SCNN1B: variants seen among roughly 807,000 people sequenced by gnomAD.
SCNN1B encodes the protein epithelial sodium channel subunit beta.
In SCNN1B, 46 loss-of-function variants were observed where a neutral mutation model predicts 65.3. The observed-to-expected ratio is 0.70, with a 90% CI of 0.56 to 0.90. The LOEUF (loss-of-function observed/expected upper bound fraction) is 0.90. SCNN1B is among the 40% of genes least tolerant of loss of function. SCNN1B has a pLI of 0.00. For missense variants in SCNN1B, 751 were observed against 830.5 expected (o/e 0.90, Z 1.18); for synonymous variants, 349 against 330.6 (o/e 1.06, Z -0.60).
chr16:23,369,341 C>T (rs979231625), intron 5 of SCNN1B, among the ~76,000 whole-genome samples: 1 of 152,120 alleles, frequency 6.6e-6, no homozygotes, highest in Non-Finnish European at 1.5e-5. Context: ...TCCTTGGCCT[C>T]TCAAAGTACT....
chr16:23,338,201 G>A (rs532327043), intron 1 of SCNN1B, among the ~76,000 whole-genome samples: 1 of 152,296 alleles, frequency 6.6e-6, no homozygotes, highest in East Asian at 1.9e-4. Context: ...CAAAATCTTG[G>A]TGCTGGGAAT....
Position 23,380,364 on chromosome 16 carries a change from T to C in SCNN1B, c.1543-57T>C, listed in dbSNP as rs555987343. On this transcript the variant is annotated intron_variant, in intron 12 of 12. Transcript: ENST00000343070. This position sits in a 1 kb window ranked among gnomAD's most constrained non-coding sequence, Gnocchi z 5.4. ...ATCACCTCCCAGGAAGCTGTGAGGC[T>C]GGGCTAGAGGCAAGAATGTGTGGCC... 4 of 1,613,016 alleles carry C rather than the reference T, an allele frequency of 2.5e-6. No individual in the cohort carries two copies. The African/African-American group carries it at 5.3e-5, about 21-fold the overall frequency.
At chr16:23,375,686 C>A in intron 7 of SCNN1B, 52 bp from the exon 8 acceptor site, 2 of 1,258,182 alleles carry the variant, frequency 1.6e-6, no homozygotes, top group Non-Finnish European at 2.3e-6. Flanking sequence ...GGAATGGGGA[C>A]ATCACTGACC....
chr16:23,289,609 T>C (rs1475108590), intron 2 of SCNN1B, among the ~76,000 whole-genome samples: 2 of 150,228 alleles, frequency 1.3e-5, no homozygotes, highest in Non-Finnish European at 3.0e-5. Context: ...AGAGAAAGGA[T>C]GGAATCAAAT....
intron 1 of SCNN1B, among the ~76,000 whole-genome samples, chr16:23,310,808 T>C (rs1412820447): frequency 1.3e-5 from 2 of 152,254 alleles, no homozygotes; most frequent in Non-Finnish European, 2.9e-5. Flanking sequence ...GAAAAGATTC[T>C]CAACTGCACT....
Position 23,380,958 on chromosome 16 carries a change from C to T in SCNN1B, c.*157C>T, listed in dbSNP as rs181213527. 6 of 787,134 alleles carry T rather than the reference C, an allele frequency of 7.6e-6. No individual in the cohort carries two copies. Among genetic ancestry groups the T allele is most frequent in the Admixed American group, 1.8e-5 (1 of 55,924 alleles). 48.8% of individuals were successfully genotyped at this position (787,134 alleles called of 1,614,324 possible). A position where few individuals can be genotyped will look rare whatever the true frequency, so the allele number is the denominator to read the frequency against. On this transcript the variant is annotated 3_prime_UTR_variant, in exon 13 of 13. Coordinates refer to ENST00000343070, the MANE Select transcript of SCNN1B (RefSeq NM_000336.3). The surrounding 1 kb of genome is among the most constrained non-coding windows in gnomAD (Gnocchi z 5.4). Reference sequence around the variant, plus strand: ...ACAGAGAGGCCAGCGGCAACTGGTCCGTTACTGGCCAAGGGCTCTGTAGAA... The same window carrying T: ...ACAGAGAGGCCAGCGGCAACTGGTCTGTTACTGGCCAAGGGCTCTGTAGAA...
intron 1 of SCNN1B, among the ~76,000 whole-genome samples, chr16:23,315,886 T>A (rs1961443319): frequency 6.6e-6 from 1 of 152,038 alleles, no homozygotes; most frequent in Non-Finnish European, 1.5e-5. Context: ...ATCAAGTAGG[T>A]ACATCCTTAC....
At chr16:23,304,172 C>T (rs1034106476) in intron 1 of SCNN1B, 1 of 1,203,240 alleles carries the variant, frequency 8.3e-7, no homozygotes, top group African/African-American at 1.5e-5. Context: ...TTTCTTTATC[C>T]TAAACTAACT....
In SCNN1B at chr16:23,378,747, C is replaced by T. The variant is rs757733766; in HGVS notation, c.1446C>T (p.Ser482=). 5.0e-6 allele frequency: 8 copies of T among 1,613,996 alleles called. No individual in the cohort carries two copies. The highest frequency in any genetic ancestry group is 1.3e-5 in the African/African-American group (1 of 74,910). Residue 482 remains serine (S), a synonymous_variant, in exon 11 of 13, where the codon AGC becomes AGT. Coordinates refer to ENST00000343070, the MANE Select transcript of SCNN1B (RefSeq NM_000336.3). The part of the protein sequence containing the change: ...FHVLSQERDQ[S]TNITLSRKGI... Reference sequence around the variant, plus strand: ...TCTTGTCTCAGGAGCGGGACCAAAGCACCAATATCACCCTGAGCAGGTGAG... The same window carrying T: ...TCTTGTCTCAGGAGCGGGACCAAAGTACCAATATCACCCTGAGCAGGTGAG...
chr16:23,283,303 C>T (rs146706272), intron 1 of SCNN1B, among the ~76,000 whole-genome samples: 150 of 152,144 alleles, frequency 9.9e-4, no homozygotes, highest in African/African-American at 3.3e-3. Context: ...CCCAGCTACT[C>T]GGGAGGCTGA....
chr16:23,321,084 G>A (rs1189528777), intron 1 of SCNN1B, among the ~76,000 whole-genome samples: 5 of 152,152 alleles, frequency 3.3e-5, no homozygotes, highest in South Asian at 2.1e-4. Flanking sequence ...TCGCTCTGTC[G>A]CCCAGACTGG....
At position 23,380,560 on chromosome 16, in the gene SCNN1B, G is replaced by C. The variant is rs1396605914; in HGVS notation, c.1682G>C (p.Ser561Thr). 3 of 1,614,094 alleles carry C rather than the reference G, an allele frequency of 1.9e-6. No individual in the cohort carries two copies. Among genetic ancestry groups the C allele is most frequent in the Admixed American group, 1.7e-5 (1 of 60,010 alleles). ...ATCAAGCTGGTGGCCTTGGCCAAGA[G>C]CCTACGGCAGCGGCGAGCCCAAGCC... is the stretch of plus-strand genomic sequence containing the variant. Reference protein sequence around the residue: ...TIIKLVALAKSLRQRRAQASY... With the variant: ...TIIKLVALAKTLRQRRAQASY... The change falls in exon 13 of 13, where the codon AGC (serine) becomes ACC (threonine). Residue 561 changes from serine to threonine, a missense_variant. Ser to Thr is a moderately conservative substitution (Grantham distance 58, BLOSUM62 1). Coordinates refer to ENST00000343070, the MANE Select transcript of SCNN1B (RefSeq NM_000336.3). This position sits in a 1 kb window ranked among gnomAD's most constrained non-coding sequence, Gnocchi z 5.4.
At chr16:23,315,534 T>G (rs973414921) in intron 1 of SCNN1B, among the ~76,000 whole-genome samples, 5 of 152,236 alleles carry the variant, frequency 3.3e-5, no homozygotes, top group African/African-American at 7.2e-5. Flanking sequence ...CCTAGTGCAG[T>G]GGCTCACGCC....
At position 23,355,504 on chromosome 16, in the gene SCNN1B, A is replaced by C. The variant is rs1962401291; in HGVS notation, c.776+15A>C. 1 of 1,613,220 alleles carries C rather than the reference A, an allele frequency of 6.2e-7. No individual in the cohort carries two copies. On this transcript the variant is annotated intron_variant, in intron 4 of 12. Coordinates refer to ENST00000343070, the MANE Select transcript of SCNN1B (RefSeq NM_000336.3). ...TGCAACTACCGGTGAGAGCCACCCC[A>C]AGCCCACCCGGCCAGGCCCTGGCAC... is the stretch of plus-strand genomic sequence containing the variant.
chr16:23,323,607 G>A (rs1961633339), intron 1 of SCNN1B: 2 of 702,916 alleles, frequency 2.8e-6, no homozygotes, highest in Non-Finnish European at 5.2e-6. Flanking sequence ...GTCACACAGT[G>A]AGTAAGTGAC....
At chr16:23,329,659 A>G (rs1961770380) in intron 1 of SCNN1B, among the ~76,000 whole-genome samples, 2 of 152,222 alleles carry the variant, frequency 1.3e-5, no homozygotes, top group African/African-American at 4.8e-5. Context: ...ATTCACACCC[A>G]AAGCTTGGCT....
Position 23,348,594 on chromosome 16 carries a change from G to A in SCNN1B, c.-6G>A. 6.2e-7 allele frequency: 1 copy of A among 1,612,436 alleles called. No homozygotes were observed. The highest frequency in any genetic ancestry group is 8.5e-7 in the Non-Finnish European group (1 of 1,179,826). On this transcript the variant is annotated splice_region_variant and 5_prime_UTR_variant, in exon 2 of 13. Coordinates refer to ENST00000343070, the MANE Select transcript of SCNN1B (RefSeq NM_000336.3). This position sits in a 1 kb window ranked among gnomAD's most constrained non-coding sequence, Gnocchi z 4.5. ...TGCGTCCCCATGCCTCTCTGCAGGTGCCACTATGCACGTGAAGAAGTACCT... is the reference window on the plus strand; with the variant it reads ...TGCGTCCCCATGCCTCTCTGCAGGTACCACTATGCACGTGAAGAAGTACCT...
At chr16:23,325,649 C>A (rs114978497) in intron 1 of SCNN1B, among the ~76,000 whole-genome samples, 2 of 151,856 alleles carry the variant, frequency 1.3e-5, no homozygotes, top group African/African-American at 2.4e-5. Context: ...AGTTGAAATG[C>A]GCATCCGATC....
At chr16:23,313,192 G>A (rs1240161057) in intron 1 of SCNN1B, among the ~76,000 whole-genome samples, 1 of 152,054 alleles carries the variant, frequency 6.6e-6, no homozygotes, top group African/African-American at 2.4e-5. Flanking sequence ...ATCAGCATTG[G>A]GCTAGACACT....
Sources: gnomAD v4.1 joint callset for allele counts (sites outside exome capture counted in the v4.1 genomes callset) on GRCh38, gnomAD v4.1.1 for gene constraint, Gnocchi (gnomAD v3.1) non-coding constraint, MANE v1.5 for transcripts, NCBI Gene and HGNC (gene_info 2026-07-23, HGNC 2026-07-21) for gene names.